Variants in SORCS3 observed in about 807,000 individuals in gnomAD.
The protein encoded by SORCS3 is VPS10 domain-containing receptor SorCS3.
In SORCS3, 57 loss-of-function variants were observed where a neutral mutation model predicts 146.3. The ratio of observed to expected loss-of-function variants is 0.39; its 90% confidence interval spans 0.31 to 0.49. The LOEUF (loss-of-function observed/expected upper bound fraction) is 0.49. SORCS3 is among the 20% of genes least tolerant of loss of function. The pLI is 0.92. For missense variants in SORCS3, 1,341 were observed against 1,575.5 expected (o/e 0.85, Z 2.52); for synonymous variants, 653 against 618.5 (o/e 1.06, Z -0.83).
intron 2 of SORCS3, among the ~76,000 whole-genome samples, chr10:104,894,912 G>A (rs749879324): frequency 4.6e-5 from 7 of 152,192 alleles, no homozygotes; most frequent in Non-Finnish European, 7.3e-5. Flanking sequence ...TGGAAATGTG[G>A]GACAGGCACT....
At chr10:104,895,710 C>T (rs1274683264) in intron 2 of SORCS3, among the ~76,000 whole-genome samples, 1 of 152,206 alleles carries the variant, frequency 6.6e-6, no homozygotes, top group East Asian at 1.9e-4. Flanking sequence ...GCTCCCTCTG[C>T]TCCCTGAATG....
At chr10:104,990,059 G>T (rs2054984419) in intron 4 of SORCS3, among the ~76,000 whole-genome samples, 1 of 152,144 alleles carries the variant, frequency 6.6e-6, no homozygotes, top group Admixed American at 6.5e-5. Flanking sequence ...GCCAATATTT[G>T]CATTTCTTTG....
chr10:104,703,762 T>C (rs1445281444), intron 1 of SORCS3, among the ~76,000 whole-genome samples: 1 of 150,538 alleles, frequency 6.6e-6, no homozygotes, highest in Non-Finnish European at 1.5e-5. Context: ...AGTGGCCTTA[T>C]AGAGCTGCTT....
At chr10:104,668,185 G>T (rs1258268821) in intron 1 of SORCS3, among the ~76,000 whole-genome samples, 1 of 152,222 alleles carries the variant, frequency 6.6e-6, no homozygotes, top group Non-Finnish European at 1.5e-5. Flanking sequence ...GTGTGCACGC[G>T]CAATAGTAAA....
At chr10:104,773,223 G>T (rs949574984) in intron 1 of SORCS3, among the ~76,000 whole-genome samples, 2 of 152,136 alleles carry the variant, frequency 1.3e-5, no homozygotes, top group Non-Finnish European at 2.9e-5. Flanking sequence ...GACCACAGAG[G>T]CATGGCCTTT....
At chr10:104,827,225 G>A (rs2017946819) in intron 1 of SORCS3, among the ~76,000 whole-genome samples, 1 of 152,034 alleles carries the variant, frequency 6.6e-6, no homozygotes, top group Non-Finnish European at 1.5e-5. Flanking sequence ...TCCTTTCCAG[G>A]CGGTTTTCAA....
chr10:104,751,434 G>A (rs1487595103), intron 1 of SORCS3, among the ~76,000 whole-genome samples: 2 of 152,192 alleles, frequency 1.3e-5, no homozygotes, highest in African/African-American at 4.8e-5. Flanking sequence ...CAAGAGATGG[G>A]CCAGCCTGAA....
At chr10:105,062,268 G>A (rs1452613385) in intron 5 of SORCS3, among the ~76,000 whole-genome samples, 1 of 152,212 alleles carries the variant, frequency 6.6e-6, no homozygotes, top group Non-Finnish European at 1.5e-5. Flanking sequence ...TAGTGGCCCA[G>A]TGTATGGGGT....
intron 1 of SORCS3, among the ~76,000 whole-genome samples, chr10:104,721,779 G>T (rs2133445490): frequency 1.3e-5 from 2 of 152,100 alleles, no homozygotes; most frequent in South Asian, 4.2e-4. Flanking sequence ...CTCTCTGTTT[G>T]TCTGTTATTG....
chr10:104,705,977 G>A (rs1233241135), intron 1 of SORCS3, among the ~76,000 whole-genome samples: 1 of 152,090 alleles, frequency 6.6e-6, no homozygotes. Flanking sequence ...ACCACTGTCT[G>A]CAAAATGAGA....
chr10:104,874,707 C>T (rs1451719968), intron 2 of SORCS3, among the ~76,000 whole-genome samples: 1 of 152,146 alleles, frequency 6.6e-6, no homozygotes, highest in Non-Finnish European at 1.5e-5. Flanking sequence ...CCTACTGTTA[C>T]TCCTTTAACT....
intron 2 of SORCS3, among the ~76,000 whole-genome samples, chr10:104,867,589 G>A (rs1389748191): frequency 1.3e-5 from 2 of 152,088 alleles, no homozygotes; most frequent in Non-Finnish European, 1.5e-5. Context: ...GATTACAGGC[G>A]TGAGCCACTG....
At chr10:105,054,163 G>C (rs555766715) in intron 5 of SORCS3, among the ~76,000 whole-genome samples, 1 of 151,736 alleles carries the variant, frequency 6.6e-6, no homozygotes, top group South Asian at 2.1e-4. Context: ...TTCATTATGG[G>C]TTCTTTATAT....
At chr10:105,168,936 T>C (rs2056337201) in intron 13 of SORCS3, among the ~76,000 whole-genome samples, 1 of 152,178 alleles carries the variant, frequency 6.6e-6, no homozygotes, top group Non-Finnish European at 1.5e-5. Context: ...CCCAGTGTAA[T>C]TGTTTCTTAT....
At chr10:104,714,537 C>A (rs1176515312) in intron 1 of SORCS3, among the ~76,000 whole-genome samples, 1 of 152,078 alleles carries the variant, frequency 6.6e-6, no homozygotes, top group Non-Finnish European at 1.5e-5. Flanking sequence ...TGTTTAATTT[C>A]CAAATATTTG....
chr10:104,712,730 T>A (rs1483545432), intron 1 of SORCS3, among the ~76,000 whole-genome samples: 1 of 152,218 alleles, frequency 6.6e-6, no homozygotes, highest in Non-Finnish European at 1.5e-5. Context: ...ATGGACCTAC[T>A]GCTTCCAACA....
chr10:105,216,894 C>T (rs1053843705), intron 18 of SORCS3, 42 bp from the exon 19 acceptor site: 6 of 1,604,574 alleles, frequency 3.7e-6, no homozygotes, highest in Non-Finnish European at 5.1e-6. Context: ...AGGAGTCTGG[C>T]TGGACCAAGT....
At chr10:104,694,933 A>G (rs2016157134) in intron 1 of SORCS3, among the ~76,000 whole-genome samples, 1 of 152,182 alleles carries the variant, frequency 6.6e-6, no homozygotes, top group Non-Finnish European at 1.5e-5. Flanking sequence ...ATTAGTTTTA[A>G]AATTTCCTAG....
intron 17 of SORCS3, among the ~76,000 whole-genome samples, chr10:105,212,823 A>C (rs920677539): frequency 5.3e-5 from 8 of 152,192 alleles, no homozygotes; most frequent in Non-Finnish European, 1.0e-4. Context: ...ATCATCAGTA[A>C]AAACTGAGTG....
Sources: allele counts gnomAD v4.1 joint callset (sites outside exome capture counted in the v4.1 genomes callset), GRCh38; gene constraint gnomAD v4.1.1; transcripts MANE v1.5; gene names NCBI Gene and HGNC (gene_info 2026-07-23, HGNC 2026-07-21).